The following PPP1R9A variants were observed in gnomAD, a reference collection of about 807,000 sequenced individuals.
The protein encoded by PPP1R9A is neurabin-1.
A neutral mutation model predicts 141.9 loss-of-function variants in PPP1R9A; 59 were observed. The observed-to-expected ratio is 0.42, with a 90% CI of 0.34 to 0.52. The LOEUF is 0.52. Among genes scored for constraint, PPP1R9A ranks in the 20% least tolerant of loss-of-function variants. PPP1R9A has a pLI of 0.10. For missense variants in PPP1R9A, 1,444 were observed against 1,611.9 expected (o/e 0.90, Z 1.78); for synonymous variants, 500 against 569.7 (o/e 0.88, Z 1.74).
intron 2 of PPP1R9A, among the ~76,000 whole-genome samples, chr7:95,061,666 G>T (rs1020625437): frequency 6.6e-6 from 1 of 152,112 alleles, no homozygotes; most frequent in Non-Finnish European, 1.5e-5. Context: ...AGCCCAGGAG[G>T]TCATGGCTGT....
At chr7:94,909,582 C>G (rs35383103) in intron 1 of PPP1R9A, among the ~76,000 whole-genome samples, 1 of 151,924 alleles carries the variant, frequency 6.6e-6, no homozygotes, top group Non-Finnish European at 1.5e-5. Context: ...TTCACAAAAG[C>G]GACCAAAACT....
At chr7:95,061,807 T>G (rs947881116) in intron 2 of PPP1R9A, among the ~76,000 whole-genome samples, 20 of 152,156 alleles carry the variant, frequency 1.3e-4, no homozygotes, top group African/African-American at 4.6e-4. Flanking sequence ...ATGTTAGTCT[T>G]ACCCAAGATA....
intron 2 of PPP1R9A, among the ~76,000 whole-genome samples, chr7:94,948,721 T>C (rs1319560315): frequency 6.6e-6 from 1 of 152,152 alleles, no homozygotes; most frequent in Non-Finnish European, 1.5e-5. Flanking sequence ...AACTTCTCTT[T>C]GTGCATCCTG....
intron 16 of PPP1R9A, among the ~76,000 whole-genome samples, chr7:95,276,027 G>A (rs576062640): frequency 6.6e-6 from 1 of 152,286 alleles, no homozygotes; most frequent in East Asian, 1.9e-4. Flanking sequence ...CACTTTGTGT[G>A]TTAAAATTAA....
chr7:95,000,229 A>G (rs1802726777), intron 2 of PPP1R9A, among the ~76,000 whole-genome samples: 1 of 152,230 alleles, frequency 6.6e-6, no homozygotes, highest in Non-Finnish European at 1.5e-5. Context: ...CATACATGAT[A>G]TAGGTGTTCA....
intron 2 of PPP1R9A, among the ~76,000 whole-genome samples, chr7:94,981,737 A>G (rs905031897): frequency 1.7e-4 from 26 of 152,254 alleles, no homozygotes; most frequent in African/African-American, 5.8e-4. Flanking sequence ...ACTAGTGTCC[A>G]TATTTTCATA....
chr7:95,253,552 G>A (rs987194025), intron 12 of PPP1R9A, among the ~76,000 whole-genome samples: 7 of 152,150 alleles, frequency 4.6e-5, no homozygotes, highest in African/African-American at 1.7e-4. Flanking sequence ...GGAGGATTTA[G>A]CATTAGCATT....
chr7:95,075,950 A>G (rs1369162439), intron 2 of PPP1R9A, among the ~76,000 whole-genome samples: 6 of 152,164 alleles, frequency 3.9e-5, no homozygotes, highest in Non-Finnish European at 8.8e-5. Context: ...AGTAATTAAG[A>G]GTTGTTTACT....
intron 12 of PPP1R9A, among the ~76,000 whole-genome samples, chr7:95,262,391 C>G (rs1800570240): frequency 6.6e-6 from 1 of 152,056 alleles, no homozygotes; most frequent in African/African-American, 2.4e-5. Flanking sequence ...CTGAAAGAAC[C>G]CTGAGATATT....
rs1202858325 is a variant in PPP1R9A at position 95,066,280 on chromosome 7, A to G, written c.1396-44979A>G. Among the ~76,000 whole-genome samples the G allele has an allele frequency of 2.6e-5, 4 of 152,182 alleles. No individual in the cohort carries two copies. In the East Asian group the frequency reaches 7.7e-4, roughly 29 times the overall value. ...CTCAGAAGAAACCTACCCTGCCAAC[A>G]CCTTGATCTTGCATTCTTGCACTTC... is the stretch of plus-strand genomic sequence containing the variant. On this transcript the variant is annotated intron_variant, in intron 2 of 19. Transcript: ENST00000433360.
rs574799189 is a variant in PPP1R9A at position 95,128,026 on chromosome 7, A to G, written c.1649+7194A>G. On this transcript the variant is annotated intron_variant, in intron 4 of 19. Transcript: ENST00000433360. The stretch of plus-strand genomic sequence containing the variant: ...GGTAAAATGATTTGTTTTCTTTTGG[A>G]TATCTACCCAGTAATGGGATTGCTG... Among the ~76,000 whole-genome samples, 3 of 152,220 alleles carry G rather than the reference A, an allele frequency of 2.0e-5. No homozygotes were observed. In the East Asian group the frequency reaches 5.8e-4, roughly 29 times the overall value.
intron 4 of PPP1R9A, among the ~76,000 whole-genome samples, chr7:95,159,355 C>CAT (rs934181997): frequency 3.3e-5 from 5 of 152,080 alleles, no homozygotes; most frequent in African/African-American, 4.8e-5. Context: ...CCTATTCATG[C>CAT]ATATATATAG....
intron 12 of PPP1R9A, among the ~76,000 whole-genome samples, chr7:95,256,011 A>T (rs1005101620): frequency 1.3e-5 from 2 of 152,134 alleles, no homozygotes; most frequent in African/African-American, 4.8e-5. Flanking sequence ...CTACCTACTC[A>T]GTGAGTGGAC....
chr7:94,956,075 C>A (rs1310114716), intron 2 of PPP1R9A, among the ~76,000 whole-genome samples: 2 of 152,090 alleles, frequency 1.3e-5, no homozygotes, highest in African/African-American at 4.8e-5. Context: ...TGGCCCCTAG[C>A]TTGGTTGGAT....
chr7:95,097,571 GATAC>G (rs1346064092), intron 2 of PPP1R9A, among the ~76,000 whole-genome samples: 4 of 152,110 alleles, frequency 2.6e-5, no homozygotes, highest in African/African-American at 9.7e-5. Context: ...ATCGAGATAT[GATAC>G]ATACATATGT....
At chr7:95,119,953 CTTTTTTTTTT>C (rs10567531) in intron 3 of PPP1R9A, among the ~76,000 whole-genome samples, 1 of 86,182 alleles carries the variant, frequency 1.2e-5, no homozygotes, top group Non-Finnish European at 2.3e-5. Context: ...AATATACTAT[CTTTTTTTTTT>C]TTTTTTTTTT....
chr7:95,064,539 C>T (rs1191604130), intron 2 of PPP1R9A, among the ~76,000 whole-genome samples: 1 of 152,118 alleles, frequency 6.6e-6, no homozygotes, highest in Non-Finnish European at 1.5e-5. Flanking sequence ...CATTTGCTTA[C>T]AGAATAAGAG....
At chr7:95,122,737 T>G (rs1822864557) in intron 4 of PPP1R9A, among the ~76,000 whole-genome samples, 1 of 152,242 alleles carries the variant, frequency 6.6e-6, no homozygotes, top group Non-Finnish European at 1.5e-5. Context: ...TTATTAACAG[T>G]CTTCCTCCTT....
rs1273696512 is a variant in PPP1R9A, at chr7:95,291,888, T to C, written c.*1585T>C. Reference sequence around the variant, plus strand: ...AGTGTAACAGATTAAGGGAACTCCCTTGTAGCCCCATCTTGTATTTTAATA... The same window carrying C: ...AGTGTAACAGATTAAGGGAACTCCCCTGTAGCCCCATCTTGTATTTTAATA... On this transcript the variant is annotated 3_prime_UTR_variant, in exon 20 of 20. Transcript: ENST00000433360. 1.3e-5 allele frequency: 2 copies of C among 152,286 alleles called. No homozygotes were observed. Among genetic ancestry groups the C allele is most frequent in the African/African-American group, 4.8e-5 (2 of 41,572 alleles). The allele number at this position is 152,286 out of a possible 1,614,324, so 9.4% of individuals were successfully genotyped here.
Sources: allele counts gnomAD v4.1 joint callset (sites outside exome capture counted in the v4.1 genomes callset), GRCh38; gene constraint gnomAD v4.1.1; transcripts MANE v1.5; gene names NCBI Gene and HGNC (gene_info 2026-07-23, HGNC 2026-07-21).